SNAP47: variants seen among roughly 807,000 people sequenced by gnomAD.
SNAP47 encodes the protein synaptosome associated protein 47.
SNAP47 carries 20 observed loss-of-function variants against 31.4 expected under a neutral mutation model. That is an observed-to-expected ratio of 0.64 (90% CI 0.45 to 0.93). The LOEUF (loss-of-function observed/expected upper bound fraction) is 0.93, where lower values mean the gene tolerates loss of function less well. Among genes scored for constraint, SNAP47 ranks in the 40% least tolerant of loss-of-function variants. SNAP47 has a pLI of 0.00. For synonymous variants in SNAP47, 194 were observed against 213.4 expected, an observed-to-expected ratio of 0.91 and a Z score of 0.79; for missense variants, 492 against 528.5, an observed-to-expected ratio of 0.93 and a Z score of 0.68.
chr1:227,764,812 G>A (rs1279023690), intron 3 of SNAP47, among the ~76,000 whole-genome samples: 1 of 152,148 alleles, frequency 6.6e-6, no homozygotes, highest in African/African-American at 2.4e-5. Context: ...GCTGAGGCAG[G>A]AGAATCCCTT....
At chr1:227,744,414 A>G (rs1462512366) in intron 1 of SNAP47, among the ~76,000 whole-genome samples, 2 of 152,144 alleles carry the variant, frequency 1.3e-5, no homozygotes, top group African/African-American at 4.8e-5. Context: ...ACTGGGAGGT[A>G]TTTGTGGAAT....
At position 227,762,690 on chromosome 1, in the gene SNAP47, G is replaced by C; in HGVS notation, c.988+3205G>C. On this transcript the variant is annotated intron_variant, in intron 3 of 4. Transcript: ENST00000617596. The surrounding 1 kb of genome is among the most constrained non-coding windows in gnomAD (Gnocchi z 4.2). ...TTTCCAGAGACCTCTGCAGGGCTGC[G>C]TGCCAAGTGCACGTTTTATTTTATT... 6.6e-6 allele frequency among the ~76,000 whole-genome samples: 1 copy of C among 152,236 alleles called. No individual in the cohort carries two copies. Among genetic ancestry groups the C allele is most frequent in the East Asian group, 1.9e-4 (1 of 5,186 alleles).
Position 227,735,484 on chromosome 1 carries a change from G to A in SNAP47, c.-61G>A. ...GGCGCCGCGGTCGGCTCTGGGACTC[G>A]TCTGGCGTCCCTCAGGTGAGCGACG... On this transcript the variant is annotated 5_prime_UTR_variant, in exon 1 of 5. Coordinates refer to ENST00000617596, the MANE Select transcript of SNAP47 (RefSeq NM_053052.4). 3 of 1,420,052 alleles carry A rather than the reference G, an allele frequency of 2.1e-6. No individual in the cohort carries two copies. The highest frequency in any genetic ancestry group is 1.8e-6 in the Non-Finnish European group (2 of 1,096,860). The allele number at this position is 1,420,052 out of a possible 1,614,324, so 88.0% of individuals were successfully genotyped here.
At chr1:227,729,750 G>A (rs182383358) in intron 1 of SNAP47, among the ~76,000 whole-genome samples, 5 of 152,308 alleles carry the variant, frequency 3.3e-5, no homozygotes, top group Admixed American at 1.3e-4. Flanking sequence ...TTGACCTGGG[G>A]CTCCTGTCTC....
chr1:227,734,454 A>T, upstream of SNAP47: 5 of 508,286 alleles, frequency 9.8e-6, no homozygotes, highest in Non-Finnish European at 1.7e-5. Context: ...AAAAAGGAAA[A>T]AAAACCATAT....
At chr1:227,774,888 A>G (rs1459606967) in intron 4 of SNAP47, among the ~76,000 whole-genome samples, 1 of 152,210 alleles carries the variant, frequency 6.6e-6, no homozygotes, top group East Asian at 1.9e-4. Flanking sequence ...TCCCTGGTCT[A>G]GGAGCAGGGA....
At chr1:227,738,242 A>G (rs1408180777) in intron 1 of SNAP47, among the ~76,000 whole-genome samples, 1 of 151,960 alleles carries the variant, frequency 6.6e-6, no homozygotes, top group African/African-American at 2.4e-5. Flanking sequence ...GGGTTTCACC[A>G]TGTTGGTCAG....
chr1:227,747,784 G>C lies in SNAP47; in HGVS notation c.48G>C (p.Leu16=). Residue 16 remains leucine, a synonymous_variant, in exon 2 of 5, where the codon CTG becomes CTC. Coordinates refer to ENST00000617596, the MANE Select transcript of SNAP47 (RefSeq NM_053052.4). ...ACACCTGGCCGTGCACCTACTACCT[G>C]GAGCCCAAGAGGCGATGGGTTACTG... The part of the protein sequence containing the change: ...CIHTWPCTYY[L]EPKRRWVTGQ... The C allele has an allele frequency of 6.2e-7, 1 of 1,614,162 alleles. No individual in the cohort carries two copies. The highest frequency in any genetic ancestry group is 1.7e-4 in the Middle Eastern group (1 of 6,060).
upstream of SNAP47, chr1:227,734,838 A>C (rs766721112): frequency 6.2e-7 from 1 of 1,613,034 alleles, no homozygotes; most frequent in Non-Finnish European, 8.5e-7. Flanking sequence ...GGCACGGTCC[A>C]TGCCATCTCC....
At chr1:227,760,804 T>C (rs1663010441) in intron 3 of SNAP47, among the ~76,000 whole-genome samples, 1 of 152,268 alleles carries the variant, frequency 6.6e-6, no homozygotes, top group African/African-American at 2.4e-5. Flanking sequence ...TGCACGACTT[T>C]CCTACTATCC....
upstream of SNAP47, chr1:227,735,075 T>C: frequency 3.2e-6 from 5 of 1,558,370 alleles, no homozygotes; most frequent in Non-Finnish European, 3.5e-6. Context: ...CGCCGCCGGC[T>C]GCCCCAGCCC....
upstream of SNAP47, chr1:227,735,184 T>G: frequency 6.3e-7 from 1 of 1,580,838 alleles, no homozygotes; most frequent in Non-Finnish European, 8.6e-7. Flanking sequence ...AGACGAAGGC[T>G]ACCCGGCCCG....
chr1:227,753,634 C>T (rs145677230), intron 2 of SNAP47, among the ~76,000 whole-genome samples: 2 of 152,106 alleles, frequency 1.3e-5, no homozygotes, highest in Non-Finnish European at 2.9e-5. Context: ...TTCCTCACAT[C>T]GGAGGCAGTT....
chr1:227,768,499 T>G (rs1449248447), intron 4 of SNAP47: 26 of 199,280 alleles, frequency 1.3e-4, no homozygotes, highest in Non-Finnish European at 1.8e-5. Context: ...AATTCTTACT[T>G]TACGTGTCTG....
intron 2 of SNAP47, among the ~76,000 whole-genome samples, chr1:227,751,657 C>G (rs974053088): frequency 1.4e-5 from 2 of 140,556 alleles, no homozygotes; most frequent in Non-Finnish European, 3.0e-5. Context: ...AGAACAGACA[C>G]AAGAAAAAGA....
intron 2 of SNAP47, 101 bp from the exon 3 acceptor site, chr1:227,758,894 G>C: frequency 1.4e-6 from 2 of 1,407,766 alleles, no homozygotes. Context: ...GAGTAAAATG[G>C]CAACATGCTT....
chr1:227,735,625 G>A (rs1350952185), intron 1 of SNAP47, 126 bp downstream of exon 1: 5 of 1,325,616 alleles, frequency 3.8e-6, no homozygotes, highest in Middle Eastern at 2.8e-4. Flanking sequence ...CGGGGGGTGG[G>A]GGGTATGCGG....
chr1:227,729,123 C>T (rs1360736296), intron 1 of SNAP47, among the ~76,000 whole-genome samples: 1 of 152,338 alleles, frequency 6.6e-6, no homozygotes, highest in East Asian at 1.9e-4. Flanking sequence ...GGGTTTGGCT[C>T]TCCCAGAGGA....
intron 2 of SNAP47, among the ~76,000 whole-genome samples, chr1:227,749,393 G>A (rs959993221): frequency 2.6e-5 from 4 of 152,108 alleles, no homozygotes; most frequent in Admixed American, 2.0e-4. Flanking sequence ...TCTGGGATCC[G>A]GGGGTGCCCA....
Sources: gnomAD v4.1 joint callset for allele counts (sites outside exome capture counted in the v4.1 genomes callset) on GRCh38, gnomAD v4.1.1 for gene constraint, Gnocchi (gnomAD v3.1) non-coding constraint, MANE v1.5 for transcripts, NCBI Gene and HGNC (gene_info 2026-07-23, HGNC 2026-07-21) for gene names.